Variants in TRAF6 observed in about 807,000 individuals in gnomAD.
The protein encoded by TRAF6 is TNF receptor associated factor 6.
In TRAF6, 10 loss-of-function variants were observed where a neutral mutation model predicts 48.4. The observed-to-expected ratio is 0.21, with a 90% CI of 0.13 to 0.35. The LOEUF (loss-of-function observed/expected upper bound fraction) is 0.35. Among genes scored for constraint, TRAF6 ranks in the 10% least tolerant of loss-of-function variants. The pLI is 1.00. For missense variants in TRAF6, 397 were observed against 661.0 expected (o/e 0.60, Z 4.38); for synonymous variants, 186 against 219.6 (o/e 0.85, Z 1.35).
At position 36,489,760 on chromosome 11, in the gene TRAF6, G is replaced by A. The variant is rs1590633397; in HGVS notation, c.*78C>T. Reference sequence around the variant, plus strand: ...ATTACATATTTCCCGTGGCTTGTTTGTTTGCATGTTATTGAGAACAGGGCA... The same window carrying A: ...ATTACATATTTCCCGTGGCTTGTTTATTTGCATGTTATTGAGAACAGGGCA... On this transcript the variant is annotated 3_prime_UTR_variant, in exon 7 of 7. Transcript: ENST00000526995. 1 of 1,416,528 alleles carries A rather than the reference G, an allele frequency of 7.1e-7. No individual in the cohort carries two copies. The highest frequency in any genetic ancestry group is 9.6e-7 in the Non-Finnish European group (1 of 1,036,936). 87.7% of individuals were successfully genotyped at this position (1,416,528 alleles called of 1,614,324 possible). A position where few individuals can be genotyped will look rare whatever the true frequency, so the allele number is the denominator to read the frequency against.
In TRAF6 at chr11:36,507,632, T is replaced by C. The variant is rs369147619; in HGVS notation, c.-23+2416A>G. Among the ~76,000 whole-genome samples the C allele has an allele frequency of 1.1e-3, 6 of 5,458 alleles. No homozygotes were observed. The South Asian group carries it at 0.025, about 22-fold the overall frequency. The allele number at this position is 5,458 out of a possible 152,430, so 3.6% of individuals were successfully genotyped here. A position where few individuals can be genotyped will look rare whatever the true frequency, so the allele number is the denominator to read the frequency against. ...ACACGCGCGTGTATATATGTATACA[T>C]ACACGCGCGTGTATATATGTATACA... On this transcript the variant is annotated intron_variant, in intron 1 of 6. Coordinates refer to ENST00000526995, the MANE Select transcript of TRAF6 (RefSeq NM_004620.4).
chr11:36,492,589 T>C lies in TRAF6; in HGVS notation c.718A>G (p.Ile240Val), dbSNP rs1295724464. Residue 240 changes from isoleucine (I) to valine (V), a missense_variant, in exon 6 of 7, where the codon ATT becomes GTT. Coordinates refer to ENST00000526995, the MANE Select transcript of TRAF6 (RefSeq NM_004620.4). The part of the protein sequence containing the change: ...HYDLDCPTAP[I>V]PCTFSTFGCH... ...CCAAAAGTACTGAATGTGCATGGAA[T>C]TGGGGCTGTAGGGCAGTCTAGATCA... is the stretch of plus-strand genomic sequence containing the variant. The C allele has an allele frequency of 6.8e-6, 11 of 1,612,280 alleles. No homozygotes were observed. The highest frequency in any genetic ancestry group is 2.2e-5 in the East Asian group (1 of 44,862).
chr11:36,508,437 C>T (rs941020040), intron 1 of TRAF6, among the ~76,000 whole-genome samples: 1 of 151,742 alleles, frequency 6.6e-6, no homozygotes, highest in Non-Finnish European at 1.5e-5. Flanking sequence ...ACATTATAAT[C>T]AAAAGAGAAT....
rs981492000 is a variant in TRAF6, at chr11:36,486,259, G to C, written c.*3579C>G. Among the ~76,000 whole-genome samples the C allele has an allele frequency of 6.6e-6, 1 of 152,072 alleles. No homozygotes were observed. The highest frequency in any genetic ancestry group is 2.4e-5 in the African/African-American group (1 of 41,356). ...TCACCATTTTGGCCAGGCTGGTCTC[G>C]AACTCCTGGCTTCAAGTAATCCGCC... On this transcript the variant is annotated 3_prime_UTR_variant, in exon 7 of 7. Transcript: ENST00000526995.
At chr11:36,497,311 T>C in intron 3 of TRAF6, 45 bp from the exon 4 acceptor site, 1 of 1,562,404 alleles carries the variant, frequency 6.4e-7, no homozygotes, top group Non-Finnish European at 8.7e-7. Flanking sequence ...AACTCTGAAG[T>C]CTTCTACATA....
Position 36,490,311 on chromosome 11 carries a change from A to G in TRAF6, c.1096T>C (p.Cys366Arg). 1 of 1,614,192 alleles carries G rather than the reference A, an allele frequency of 6.2e-7. No homozygotes were observed. Among genetic ancestry groups the G allele is most frequent in the Non-Finnish European group, 8.5e-7 (1 of 1,180,038 alleles). The change falls in exon 7 of 7, where the codon TGT (cysteine) becomes CGT (arginine). Residue 366 changes from cysteine to arginine, a missense_variant. Cys to Arg is a radical substitution (Grantham distance 180). Transcript: ENST00000526995. This position sits in a 1 kb window ranked among gnomAD's most constrained non-coding sequence, Gnocchi z 6.4. Reference sequence around the variant, plus strand: ...ACAACAGGTTTCTCCTCTTCTTGACATTTCAAATGCATTCCAAAGTTGCCA... The same window carrying G: ...ACAACAGGTTTCTCCTCTTCTTGACGTTTCAAATGCATTCCAAAGTTGCCA... ...KIGNFGMHLK[C>R]QEEEKPVVIH...
chr11:36,506,456 G>A (rs1278172181), intron 1 of TRAF6, among the ~76,000 whole-genome samples: 1 of 151,998 alleles, frequency 6.6e-6, no homozygotes, highest in African/African-American at 2.4e-5. Flanking sequence ...TGAGAAATTA[G>A]TATTTGTTAT....
At chr11:36,499,120 A>C (rs1317658458) in intron 2 of TRAF6, among the ~76,000 whole-genome samples, 1 of 152,242 alleles carries the variant, frequency 6.6e-6, no homozygotes, top group African/African-American at 2.4e-5. Context: ...GTCACATTTT[A>C]AAGTTTACTC....
intron 2 of TRAF6, among the ~76,000 whole-genome samples, chr11:36,500,282 G>A (rs1330414556): frequency 6.6e-6 from 1 of 152,112 alleles, no homozygotes; most frequent in African/African-American, 2.4e-5. Flanking sequence ...GGTGGTGAGG[G>A]GACCTATGAG....
rs1859463378 is a variant in TRAF6, at chr11:36,485,184, A to T, written c.*4654T>A. 6.6e-6 allele frequency among the ~76,000 whole-genome samples: 1 copy of T among 152,166 alleles called. No homozygotes were observed. The highest frequency in any genetic ancestry group is 1.5e-5 in the Non-Finnish European group (1 of 68,034). ...CTTTCAACATTTCTGCATGTTTGGG[A>T]AATTTCATCAAGTGCTGAAGAAAAA... On this transcript the variant is annotated 3_prime_UTR_variant, in exon 7 of 7. Transcript: ENST00000526995.
rs1485180074 is a variant in TRAF6 at position 36,485,974 on chromosome 11, T to G, written c.*3864A>C. On this transcript the variant is annotated 3_prime_UTR_variant, in exon 7 of 7. Transcript: ENST00000526995. ...ATAAATGACTACTTATGGCTCCTTT[T>G]CATTTCCTTAAGGCATTGCACTGTT... Among the ~76,000 whole-genome samples, 1 of 152,174 alleles carries G rather than the reference T, an allele frequency of 6.6e-6. No homozygotes were observed. The highest frequency in any genetic ancestry group is 6.5e-5 in the Admixed American group (1 of 15,272).
At chr11:36,498,416 G>A (rs1859669245) in intron 3 of TRAF6, 74 bp downstream of exon 3, 2 of 1,407,922 alleles carry the variant, frequency 1.4e-6, no homozygotes, top group Non-Finnish European at 1.9e-6. Context: ...TACACAGATG[G>A]ACACAGCAAA....
chr11:36,484,139 C>A lies in TRAF6; in HGVS notation c.*5699G>T, dbSNP rs949509910. ...ATGGAGGCCATCCGAGGTTTCACTGCCATTAGGAGCAGGGCTTGTTTTATG... is the reference window on the plus strand; with the variant it reads ...ATGGAGGCCATCCGAGGTTTCACTGACATTAGGAGCAGGGCTTGTTTTATG... On this transcript the variant is annotated 3_prime_UTR_variant, in exon 7 of 7. Coordinates refer to ENST00000526995, the MANE Select transcript of TRAF6 (RefSeq NM_004620.4). Among the ~76,000 whole-genome samples, 1 of 152,186 alleles carries A rather than the reference C, an allele frequency of 6.6e-6. No individual in the cohort carries two copies. The highest frequency in any genetic ancestry group is 2.4e-5 in the African/African-American group (1 of 41,446).
rs1332213198 is a variant in TRAF6 at position 36,486,810 on chromosome 11, T to C, written c.*3028A>G. 1.3e-5 allele frequency among the ~76,000 whole-genome samples: 2 copies of C among 152,122 alleles called. No homozygotes were observed. Among genetic ancestry groups the C allele is most frequent in the Admixed American group, 6.5e-5 (1 of 15,274 alleles). On this transcript the variant is annotated 3_prime_UTR_variant, in exon 7 of 7. Coordinates refer to ENST00000526995, the MANE Select transcript of TRAF6 (RefSeq NM_004620.4). ...TTTCATCCAACAGTGGGTTGGACGCTGGGCGTGGTGGCTCATGCCTGTAAT... is the reference window on the plus strand; with the variant it reads ...TTTCATCCAACAGTGGGTTGGACGCCGGGCGTGGTGGCTCATGCCTGTAAT...
intron 1 of TRAF6, among the ~76,000 whole-genome samples, chr11:36,504,057 C>A (rs981590634): frequency 2.0e-5 from 3 of 152,140 alleles, no homozygotes; most frequent in Non-Finnish European, 4.4e-5. Flanking sequence ...AAAATGCTAG[C>A]GATCATCTGA....
Position 36,497,171 on chromosome 11 carries a change from A to G in TRAF6, c.543T>C (p.Asp181=), listed in dbSNP as rs1413741627. The change falls in exon 4 of 7, where the codon GAT becomes GAC. Residue 181 remains aspartate, a synonymous_variant. Transcript: ENST00000526995. The stretch of plus-strand genomic sequence containing the variant: ...CACAAGAAACCTGTCTCCTTGGACA[A>G]TCCTTCAGAATGTGAATATTAATAT... ...KFHINIHILK[D]CPRRQVSCDN... 3 of 1,614,052 alleles carry G rather than the reference A, an allele frequency of 1.9e-6. No individual in the cohort carries two copies. Among genetic ancestry groups the G allele is most frequent in the Non-Finnish European group, 2.5e-6 (3 of 1,179,984 alleles).
chr11:36,500,082 T>G (rs1399966189), intron 2 of TRAF6, among the ~76,000 whole-genome samples: 1 of 152,076 alleles, frequency 6.6e-6, no homozygotes, highest in African/African-American at 2.4e-5. Context: ...TTGGGAAAAA[T>G]CAAGAAATAA....
At chr11:36,500,651 G>A (rs1465693694) in intron 2 of TRAF6, among the ~76,000 whole-genome samples, 2 of 152,170 alleles carry the variant, frequency 1.3e-5, no homozygotes, top group Non-Finnish European at 2.9e-5. Flanking sequence ...GCCTGTTAGA[G>A]AGCTGGTGGT....
chr11:36,505,115 C>T (rs1859767674), intron 1 of TRAF6, among the ~76,000 whole-genome samples: 1 of 152,196 alleles, frequency 6.6e-6, no homozygotes, highest in African/African-American at 2.4e-5. Context: ...GCACTGGTGT[C>T]AACTCAACAT....
Sources: allele counts gnomAD v4.1 joint callset (sites outside exome capture counted in the v4.1 genomes callset), GRCh38; gene constraint gnomAD v4.1.1; non-coding constraint Gnocchi (gnomAD v3.1); transcripts MANE v1.5; gene names NCBI Gene and HGNC (gene_info 2026-07-23, HGNC 2026-07-21).